Variants in KAZN observed in about 807,000 individuals in gnomAD.
KAZN encodes the protein kazrin, periplakin interacting protein.
KAZN carries 40 observed loss-of-function variants against 87.4 expected under a neutral mutation model. The ratio of observed to expected loss-of-function variants is 0.46; its 90% CI spans 0.36 to 0.60. KAZN has a LOEUF of 0.60. KAZN is among the 20% of genes least tolerant of loss of function. The pLI is 0.00. For missense variants in KAZN, 898 were observed against 1,073.9 expected, an observed-to-expected ratio of 0.84 and a Z score of 2.29; for synonymous variants, 466 against 458.3, an observed-to-expected ratio of 1.02 and a Z score of -0.22.
chr1:14,275,444 CTGTGTGTGTGTGTGTGTGTGTGTGTG>C (rs60684981), intron 2 of KAZN, among the ~76,000 whole-genome samples: 2 of 136,880 alleles, frequency 1.5e-5, no homozygotes, highest in Non-Finnish European at 3.1e-5. Flanking sequence ...GTGGTAAATA[CTGTGTGTGTGTGTGTGTGTGTGTGTG>C]TGTGTGTGTG....
rs770061751 is a variant in KAZN at position 14,111,221 on chromosome 1, G to A, written c.92-69214G>A. 9.7e-5 allele frequency among the ~76,000 whole-genome samples: 13 copies of A among 134,494 alleles called. 3 individuals are homozygous for A. The highest frequency in any genetic ancestry group is 1.7e-4 in the Non-Finnish European group (11 of 62,882). 88.2% of individuals were successfully genotyped at this position (134,494 alleles called of 152,430 possible). A position where few individuals can be genotyped will look rare whatever the true frequency, so the allele number is the denominator to read the frequency against. On this transcript the variant is annotated intron_variant, in intron 1 of 16. Transcript: ENST00000636203. ...CCACCCAGGGCCTCTGCATCAGGGC[G>A]CCTAGCCACAGCACACACGCGGGCT... is the stretch of plus-strand genomic sequence containing the variant.
intron 1 of KAZN, among the ~76,000 whole-genome samples, chr1:13,924,290 T>A (rs1017617507): frequency 2.0e-5 from 3 of 152,302 alleles, no homozygotes; most frequent in East Asian, 1.9e-4. Context: ...AATTAAAAAA[T>A]TTTAAATAAT....
chr1:14,642,959 C>T (rs1680518121), intron 1 of KAZN, among the ~76,000 whole-genome samples: 1 of 152,182 alleles, frequency 6.6e-6, no homozygotes, highest in South Asian at 2.1e-4. Context: ...AGATTTGGCA[C>T]TGTCTTATAA....
At chr1:14,105,358 C>A (rs527433279) in intron 1 of KAZN, among the ~76,000 whole-genome samples, 20 of 152,108 alleles carry the variant, frequency 1.3e-4, no homozygotes, top group Non-Finnish European at 2.6e-4. Context: ...CCATGCTGGG[C>A]AGAGAGAGCC....
At chr1:14,639,212 G>C (rs1419297390) in intron 1 of KAZN, among the ~76,000 whole-genome samples, 5 of 152,140 alleles carry the variant, frequency 3.3e-5, no homozygotes, top group South Asian at 2.1e-4. Flanking sequence ...GAGTCCAGCA[G>C]ACAGAAGCCA....
intron 1 of KAZN, among the ~76,000 whole-genome samples, chr1:13,959,824 C>G (rs889202497): frequency 2.6e-5 from 4 of 152,134 alleles, no homozygotes; most frequent in African/African-American, 9.7e-5. Flanking sequence ...GGGCCTGGGT[C>G]TGATTCACTC....
chr1:14,434,404 G>A (rs1397034947), intron 2 of KAZN, among the ~76,000 whole-genome samples: 2 of 152,186 alleles, frequency 1.3e-5, no homozygotes, highest in East Asian at 1.9e-4. Context: ...TTAATGATGG[G>A]AATTCTCATG....
In KAZN at chr1:14,123,774, G is replaced by GC. The variant is rs1261328145; in HGVS notation, c.92-56656dup. Reference sequence around the variant, plus strand: ...TCTGAGGTGCCCTCCCTTACTGAAAGCCCCCAGTGGGCCTATATTATCTAT... The same window carrying GC: ...TCTGAGGTGCCCTCCCTTACTGAAAGCCCCCCAGTGGGCCTATATTATCTAT... On this transcript the variant is annotated intron_variant, in intron 1 of 16. Coordinates refer to the KAZN transcript ENST00000636203. Among the ~76,000 whole-genome samples the GC allele has an allele frequency of 3.3e-5, 5 of 151,930 alleles. No homozygotes were observed. In the East Asian group the frequency reaches 9.7e-4, roughly 29 times the overall value.
intron 1 of KAZN, among the ~76,000 whole-genome samples, chr1:14,755,472 G>T (rs2100515465): frequency 6.6e-6 from 1 of 152,300 alleles, no homozygotes; most frequent in South Asian, 2.1e-4. Context: ...ATGTCGTGTG[G>T]TTGTAGATTT....
At chr1:13,916,525 T>A (rs1048887076) in intron 1 of KAZN, among the ~76,000 whole-genome samples, 1 of 152,180 alleles carries the variant, frequency 6.6e-6, no homozygotes, top group Non-Finnish European at 1.5e-5. Flanking sequence ...TGCCAGGTGC[T>A]ACACATTTAG....
At chr1:13,988,058 C>G (rs7525185) in intron 1 of KAZN, among the ~76,000 whole-genome samples, 63,507 of 152,016 alleles carry the variant, frequency 0.42, 13,749 homozygotes, top group Admixed American at 0.57. Context: ...GTGGAAACCT[C>G]CTGATCTAAA....
intron 2 of KAZN, among the ~76,000 whole-genome samples, chr1:14,199,342 G>A (rs1357963733): frequency 1.3e-5 from 2 of 152,148 alleles, no homozygotes; most frequent in Admixed American, 1.3e-4. Context: ...ACATGTTTCT[G>A]TGAGTAGACG....
At chr1:14,202,699 G>A (rs568515316) in intron 2 of KAZN, among the ~76,000 whole-genome samples, 1 of 152,202 alleles carries the variant, frequency 6.6e-6, no homozygotes, top group African/African-American at 2.4e-5. Flanking sequence ...ATATATTACA[G>A]GTAAGTCACT....
intron 2 of KAZN, among the ~76,000 whole-genome samples, chr1:15,005,442 T>C (rs1326650600): frequency 1.3e-5 from 2 of 152,198 alleles, no homozygotes; most frequent in Non-Finnish European, 2.9e-5. Context: ...GCCAGAATTG[T>C]GCCCACCCCT....
At chr1:14,494,501 C>T (rs890670584) in intron 2 of KAZN, among the ~76,000 whole-genome samples, 2 of 152,170 alleles carry the variant, frequency 1.3e-5, no homozygotes, top group African/African-American at 4.8e-5. Context: ...CATGTACTTC[C>T]TCTCACTGTC....
At chr1:14,153,902 T>C (rs778373226) in intron 1 of KAZN, among the ~76,000 whole-genome samples, 6 of 152,188 alleles carry the variant, frequency 3.9e-5, no homozygotes, top group Non-Finnish European at 8.8e-5. Context: ...TTTTGGTTAC[T>C]GTAGGTCTGT....
At chr1:14,410,657 C>T (rs1664230765) in intron 2 of KAZN, among the ~76,000 whole-genome samples, 1 of 152,114 alleles carries the variant, frequency 6.6e-6, no homozygotes, top group African/African-American at 2.4e-5. Context: ...GCCCTGAATA[C>T]AATCAGAACT....
chr1:14,517,568 C>T (rs1486950956), intron 2 of KAZN, among the ~76,000 whole-genome samples: 1 of 152,226 alleles, frequency 6.6e-6, no homozygotes, highest in Non-Finnish European at 1.5e-5. Flanking sequence ...CCATTTGTGA[C>T]TCACAGCATG....
chr1:14,332,807 C>T lies in KAZN; in HGVS notation c.249+152215C>T, dbSNP rs534978993. On this transcript the variant is annotated intron_variant, in intron 2 of 16. Transcript: ENST00000636203. Reference sequence around the variant, plus strand: ...AGAATTCCTGTGCCTTTGTTCATCACGTGGCTGCAAAGAACAGGAAGTCAC... The same window carrying T: ...AGAATTCCTGTGCCTTTGTTCATCATGTGGCTGCAAAGAACAGGAAGTCAC... Among the ~76,000 whole-genome samples, 9 of 152,246 alleles carry T rather than the reference C, an allele frequency of 5.9e-5. No homozygotes were observed. In the East Asian group the frequency reaches 1.2e-3, roughly 20 times the overall value.
Sources: gnomAD v4.1 joint callset for allele counts (sites outside exome capture counted in the v4.1 genomes callset) on GRCh38, gnomAD v4.1.1 for gene constraint, MANE v1.5 for transcripts, NCBI Gene and HGNC (gene_info 2026-07-23, HGNC 2026-07-21) for gene names.